The following PHF14 variants were observed in gnomAD, a reference collection of about 807,000 sequenced individuals.
PHF14 encodes the protein PHD finger protein 14.
Under a neutral mutation model 117.9 loss-of-function variants are expected in PHF14, and 55 were observed. That is an observed-to-expected ratio of 0.47 (90% CI 0.38 to 0.58). The LOEUF is 0.58. Among genes scored for constraint, PHF14 ranks in the 20% least tolerant of loss-of-function variants. The probability of loss-of-function intolerance (pLI) is 0.00; values close to 1 mark genes in which losing one functional copy is unlikely to be tolerated. For synonymous variants in PHF14, 409 were observed against 368.6 expected, an observed-to-expected ratio of 1.11 and a Z score of -1.26; for missense variants, 978 against 1,122.2, an observed-to-expected ratio of 0.87 and a Z score of 1.84.
intron 16 of PHF14, chr7:11,106,439 T>C (rs1787268747): frequency 1.1e-6 from 1 of 946,024 alleles, no homozygotes; most frequent in African/African-American, 1.8e-5. Context: ...AAACTGCTCA[T>C]GTAGGTAATT....
At chr7:10,994,117 G>A (rs554703813) in intron 4 of PHF14, among the ~76,000 whole-genome samples, 5 of 152,030 alleles carry the variant, frequency 3.3e-5, no homozygotes, top group East Asian at 3.9e-4. Flanking sequence ...TATTGGGAAC[G>A]AGCACTGCAA....
intron 4 of PHF14, chr7:11,006,924 C>A: frequency 2.2e-6 from 1 of 461,276 alleles, no homozygotes; most frequent in South Asian, 1.9e-5. Context: ...CCTTTAATCC[C>A]AGCATGTTGG....
At chr7:11,085,467 G>C (rs1012464407) in intron 16 of PHF14, among the ~76,000 whole-genome samples, 3 of 152,108 alleles carry the variant, frequency 2.0e-5, no homozygotes, top group Non-Finnish European at 2.9e-5. Flanking sequence ...TACATGTTTG[G>C]TGATTAATTC....
intron 17 of PHF14, among the ~76,000 whole-genome samples, chr7:11,138,232 A>G (rs1025702319): frequency 6.6e-6 from 1 of 151,716 alleles, no homozygotes; most frequent in African/African-American, 2.4e-5. Context: ...TAGTAGAGGC[A>G]GGGTTTCACC....
At chr7:11,109,951 C>A (rs1008158264) in intron 16 of PHF14, 1 of 151,848 alleles carries the variant, frequency 6.6e-6, no homozygotes, top group Non-Finnish European at 1.5e-5. Context: ...GGAAGAAATG[C>A]ATAAACTTAG....
chr7:11,139,260 T>C (rs578075259), intron 17 of PHF14, among the ~76,000 whole-genome samples: 1 of 152,132 alleles, frequency 6.6e-6, no homozygotes, highest in Non-Finnish European at 1.5e-5. Flanking sequence ...TAAATAATTT[T>C]GTTTGTTGTT....
intron 3 of PHF14, among the ~76,000 whole-genome samples, chr7:10,989,121 C>A (rs1254066569): frequency 6.6e-6 from 1 of 152,074 alleles, no homozygotes; most frequent in African/African-American, 2.4e-5. Context: ...CTTAGAAATA[C>A]TAGAATTCTA....
chr7:10,999,504 A>G (rs548381665), intron 4 of PHF14, among the ~76,000 whole-genome samples: 28 of 152,232 alleles, frequency 1.8e-4, no homozygotes, highest in African/African-American at 6.5e-4. Flanking sequence ...GTACATTTCA[A>G]AATGACCCTC....
chr7:11,046,165 G>A lies in PHF14; in HGVS notation c.2312+3351G>A, dbSNP rs562735004. Among the ~76,000 whole-genome samples the A allele has an allele frequency of 5.9e-5, 9 of 152,186 alleles. No individual in the cohort carries two copies. In the East Asian group the frequency reaches 1.5e-3, roughly 26 times the overall value. On this transcript the variant is annotated intron_variant, in intron 13 of 17. Coordinates refer to ENST00000634607, the MANE Select transcript of PHF14 (RefSeq NM_001007157.2). ...GCATTTTGTCTCATTTTTAGTTTATGTTATTTTGATTTTTGTTGTTGTTTT... is the reference window on the plus strand; with the variant it reads ...GCATTTTGTCTCATTTTTAGTTTATATTATTTTGATTTTTGTTGTTGTTTT...
At chr7:11,084,774 A>G (rs1211970661) in intron 16 of PHF14, among the ~76,000 whole-genome samples, 3 of 152,128 alleles carry the variant, frequency 2.0e-5, no homozygotes, top group African/African-American at 7.2e-5. Flanking sequence ...ATTTTTGTCA[A>G]TTTGATGGAT....
At chr7:11,103,392 T>C in intron 16 of PHF14, 4 of 977,972 alleles carry the variant, frequency 4.1e-6, no homozygotes, top group Non-Finnish European at 4.9e-6. Context: ...AGTACAAAGA[T>C]TATTGACTAT....
chr7:11,169,594 C>A lies in PHF14; in HGVS notation c.*104C>A. Reference sequence around the variant, plus strand: ...TGTAAAATCTAATTTGCAAAATGTTCTCAATAAAGTCATTCAAAATGAAAT... The same window carrying A: ...TGTAAAATCTAATTTGCAAAATGTTATCAATAAAGTCATTCAAAATGAAAT... On this transcript the variant is annotated 3_prime_UTR_variant, in exon 18 of 18. Transcript: ENST00000634607. 2 of 519,198 alleles carry A rather than the reference C, an allele frequency of 3.9e-6. No homozygotes were observed. The highest frequency in any genetic ancestry group is 3.5e-5 in the South Asian group (1 of 28,170). The allele number at this position is 519,198 out of a possible 1,614,324, so 32.2% of individuals were successfully genotyped here.
At chr7:11,118,090 G>A (rs1787650668) in intron 17 of PHF14, among the ~76,000 whole-genome samples, 1 of 151,788 alleles carries the variant, frequency 6.6e-6, no homozygotes, top group Non-Finnish European at 1.5e-5. Flanking sequence ...GAGCTTTACT[G>A]AGTTTTGGTT....
chr7:11,103,664 A>G lies in PHF14; in HGVS notation c.2655-7686A>G, dbSNP rs548235176. On this transcript the variant is annotated intron_variant, in intron 16 of 17. Transcript: ENST00000634607. ...TGTGGTTTTGGACATCTTTTCGGGT[A>G]TAGTGACAATGGAAAATAGTTTAAA... The G allele has an allele frequency of 1.2e-4, 114 of 985,122 alleles. No individual in the cohort carries two copies. In the African/African-American group the frequency reaches 1.9e-3, roughly 16 times the overall value. 61.0% of individuals were successfully genotyped at this position (985,122 alleles called of 1,614,324 possible). A position where few individuals can be genotyped will look rare whatever the true frequency, so the allele number is the denominator to read the frequency against.
chr7:11,149,015 T>TG (rs1431115565), intron 17 of PHF14, among the ~76,000 whole-genome samples: 5 of 152,124 alleles, frequency 3.3e-5, no homozygotes, highest in African/African-American at 1.2e-4. Context: ...TAGGGTTTTT[T>TG]TTTTGTTTTG....
intron 17 of PHF14, among the ~76,000 whole-genome samples, 184 bp downstream of exon 17, chr7:11,111,651 A>G (rs1787450732): frequency 6.6e-6 from 1 of 152,110 alleles, no homozygotes; most frequent in African/African-American, 2.4e-5. Context: ...AAACAACTCT[A>G]CTAAATTATG....
chr7:11,161,992 T>A (rs1331425360), intron 17 of PHF14, among the ~76,000 whole-genome samples: 2 of 145,224 alleles, frequency 1.4e-5, no homozygotes, highest in Admixed American at 1.4e-4. Context: ...ATACTCACCA[T>A]AAAAGAATTC....
In PHF14 at chr7:10,982,495, A is replaced by G. The variant is rs1336940570; in HGVS notation, c.236A>G (p.Glu79Gly). Residue 79 changes from glutamate (E) to glycine (G), a missense_variant, in exon 3 of 18, where the codon GAA becomes GGA. Glu to Gly is a moderately conservative substitution (Grantham distance 98). Coordinates refer to ENST00000634607, the MANE Select transcript of PHF14 (RefSeq NM_001007157.2). Reference sequence around the variant, plus strand: ...AATGAAGATATTAAAGTAAAAGAAGAACAACTTAAAAATTCTGCAGAGGAA... The same window carrying G: ...AATGAAGATATTAAAGTAAAAGAAGGACAACTTAAAAATTCTGCAGAGGAA... ...ELNEDIKVKE[E>G]QLKNSAEEEV... 1 of 1,571,238 alleles carries G rather than the reference A, an allele frequency of 6.4e-7. No individual in the cohort carries two copies. Among genetic ancestry groups the G allele is most frequent in the Non-Finnish European group, 8.7e-7 (1 of 1,149,542 alleles).
At chr7:11,151,443 C>T (rs1337715844) in intron 17 of PHF14, among the ~76,000 whole-genome samples, 2 of 152,010 alleles carry the variant, frequency 1.3e-5, no homozygotes, top group Non-Finnish European at 2.9e-5. Flanking sequence ...CCTATAGTTC[C>T]AACTACTTGG....
Sources: allele counts gnomAD v4.1 joint callset (sites outside exome capture counted in the v4.1 genomes callset), GRCh38; gene constraint gnomAD v4.1.1; transcripts MANE v1.5; gene names NCBI Gene and HGNC (gene_info 2026-07-23, HGNC 2026-07-21).